Variants in YIPF3 observed in about 807,000 individuals in gnomAD.
YIPF3 encodes the protein protein YIPF3.
A neutral mutation model predicts 40.3 loss-of-function variants in YIPF3; 18 were observed. That is an observed-to-expected ratio of 0.45 (90% CI 0.31 to 0.66). The LOEUF (loss-of-function observed/expected upper bound fraction) is 0.66, where lower values mean the gene tolerates loss of function less well. Ranked by LOEUF, YIPF3 falls within the 30% of genes least tolerant of loss-of-function variation. The pLI, the probability that YIPF3 is intolerant of heterozygous loss-of-function variation, is 0.07. For missense variants in YIPF3, 406 were observed against 452.2 expected (o/e 0.90, Z 0.93); for synonymous variants, 190 against 179.6 (o/e 1.06, Z -0.46).
At chr6:43,514,912 G>A (rs183103731) in intron 3 of YIPF3, among the ~76,000 whole-genome samples, 6 of 152,230 alleles carry the variant, frequency 3.9e-5, no homozygotes, top group Admixed American at 3.9e-4. Flanking sequence ...TTGAGATGCT[G>A]TTGGTCTCTG....
chr6:43,514,330 A>G (rs1380103436), intron 3 of YIPF3, among the ~76,000 whole-genome samples: 6 of 152,222 alleles, frequency 3.9e-5, no homozygotes, highest in African/African-American at 1.2e-4. Context: ...AGCCCTGGGA[A>G]AAGTCTAGCC....
intron 3 of YIPF3, 147 bp downstream of exon 3, chr6:43,515,448 C>T (rs990826290): frequency 3.9e-6 from 3 of 764,462 alleles, no homozygotes; most frequent in African/African-American, 3.4e-5. Flanking sequence ...GCTATTATTA[C>T]TTGTTTCAGT....
At chr6:43,512,659 T>A in intron 7 of YIPF3, 96 bp from the exon 8 acceptor site, 4 of 1,541,464 alleles carry the variant, frequency 2.6e-6, no homozygotes, top group Non-Finnish European at 3.5e-6. Flanking sequence ...TTTGGGCTCT[T>A]CCCTCCCATT....
chr6:43,515,717 T>C lies in YIPF3; in HGVS notation c.289-16A>G. The C allele has an allele frequency of 6.2e-7, 1 of 1,613,948 alleles. No homozygotes were observed. ...CCTGCCACATCTGAAGTAAGGAAGA[T>C]GGGCATAGGTATTGTGGTACTGTTG... On this transcript the variant is annotated splice_polypyrimidine_tract_variant and intron_variant, in intron 2 of 8. Coordinates refer to ENST00000372422, the MANE Select transcript of YIPF3 (RefSeq NM_015388.4).
At chr6:43,516,213 C>G in intron 1 of YIPF3, 118 bp from the exon 2 acceptor site, 1 of 1,521,900 alleles carries the variant, frequency 6.6e-7, no homozygotes, top group Non-Finnish European at 8.8e-7. Flanking sequence ...CTTGGAATCA[C>G]TACAGATCAT....
At chr6:43,514,991 G>A (rs368679983) in intron 3 of YIPF3, among the ~76,000 whole-genome samples, 4 of 150,872 alleles carry the variant, frequency 2.7e-5, no homozygotes, top group African/African-American at 9.7e-5. Flanking sequence ...CAAGCGCAGA[G>A]TTCTTTTTTT....
Position 43,512,101 on chromosome 6 carries a change from C to G in YIPF3, c.*66G>C, listed in dbSNP as rs1194456902. On this transcript the variant is annotated 3_prime_UTR_variant, in exon 9 of 9. Coordinates refer to ENST00000372422, the MANE Select transcript of YIPF3 (RefSeq NM_015388.4). Reference sequence around the variant, plus strand: ...CTACGAAACATGTCATCAGGACTGTCCTTTAATAGTCTTCCTCCTCTCTGC... The same window carrying G: ...CTACGAAACATGTCATCAGGACTGTGCTTTAATAGTCTTCCTCCTCTCTGC... 6.2e-7 allele frequency: 1 copy of G among 1,606,134 alleles called. No homozygotes were observed. Among genetic ancestry groups the G allele is most frequent in the Non-Finnish European group, 8.5e-7 (1 of 1,175,966 alleles).
intron 1 of YIPF3, 140 bp from the exon 2 acceptor site, chr6:43,516,235 C>A: frequency 6.8e-7 from 1 of 1,474,456 alleles, no homozygotes; most frequent in Non-Finnish European, 9.0e-7. Flanking sequence ...CCACTCCATT[C>A]CCCCTCATAT....
intron 1 of YIPF3, 90 bp from the exon 2 acceptor site, chr6:43,516,185 C>T (rs778015630): frequency 2.6e-6 from 4 of 1,565,250 alleles, no homozygotes; most frequent in East Asian, 2.3e-5. Flanking sequence ...CTTTGTTCTT[C>T]CACTGCTGAG....
intron 3 of YIPF3, chr6:43,515,305 T>A (rs1313542896): frequency 1.9e-6 from 1 of 514,858 alleles, no homozygotes; most frequent in Admixed American, 2.3e-5. Context: ...AAGCACAGAG[T>A]TCTATAGGAA....
rs1321232271 is a variant in YIPF3 at position 43,515,971 on chromosome 6, G to C, written c.206C>G (p.Ala69Gly). Reference protein sequence around the residue: ...EEEVDADAADAAAAEEEDGEF... With the variant: ...EEEVDADAADGAAAEEEDGEF... ...TCCATCCTCCTCTTCAGCAGCAGCT[G>C]CATCAGCTGCATCAGCGTCTACTTC... Residue 69 changes from alanine (A) to glycine (G), a missense_variant, in exon 2 of 9, where the codon GCA becomes GGA. Physicochemically the swap from Ala to Gly is moderately conservative, Grantham distance 60 (BLOSUM62 0). Transcript: ENST00000372422. 1.9e-6 allele frequency: 3 copies of C among 1,613,846 alleles called. No individual in the cohort carries two copies. Among genetic ancestry groups the C allele is most frequent in the Non-Finnish European group, 1.7e-6 (2 of 1,179,822 alleles).
intron 3 of YIPF3, chr6:43,515,394 A>G: frequency 3.0e-6 from 2 of 674,252 alleles, no homozygotes; most frequent in Non-Finnish European, 5.4e-6. Context: ...GTTTTGAGGG[A>G]AGATGAGTAG....
At chr6:43,512,937 G>A (rs890395711) in intron 6 of YIPF3, 63 bp from the exon 7 acceptor site, 4 of 1,593,708 alleles carry the variant, frequency 2.5e-6, no homozygotes, top group Non-Finnish European at 3.4e-6. Flanking sequence ...GCCCCTCATG[G>A]GGACCCTGGG....
In YIPF3 at chr6:43,516,495, C is replaced by G. The variant is rs1792837238; in HGVS notation, c.81+232G>C. On this transcript the variant is annotated intron_variant, in intron 1 of 8. Transcript: ENST00000372422. ...AACCTCCTAACTTGTTCCAAGAATA[C>G]CTTCTTCCTAATGCCTCGGGCGGGC... 4.7e-6 allele frequency: 3 copies of G among 634,788 alleles called. No homozygotes were observed. The African/African-American group carries it at 5.5e-5, about 12-fold the overall frequency. The allele number at this position is 634,788 out of a possible 1,614,324, so 39.3% of individuals were successfully genotyped here. A position where few individuals can be genotyped will look rare whatever the true frequency, so the allele number is the denominator to read the frequency against.
At position 43,512,653 on chromosome 6, in the gene YIPF3, G is replaced by T. The variant is rs1217714205; in HGVS notation, c.781-90C>A. The T allele has an allele frequency of 2.7e-5, 42 of 1,541,492 alleles. No individual in the cohort carries two copies. The East Asian group carries it at 9.3e-4, about 34-fold the overall frequency. On this transcript the variant is annotated intron_variant, in intron 7 of 8. Coordinates refer to ENST00000372422, the MANE Select transcript of YIPF3 (RefSeq NM_015388.4). Reference sequence around the variant, plus strand: ...CCCACCCAGGGCAGAACCATCTTTGGGCTCTTCCCTCCCATTTAGGGCTCT... The same window carrying T: ...CCCACCCAGGGCAGAACCATCTTTGTGCTCTTCCCTCCCATTTAGGGCTCT...
intron 3 of YIPF3, chr6:43,513,969 C>T (rs1582173057): frequency 9.6e-6 from 2 of 207,404 alleles, no homozygotes; most frequent in Non-Finnish European, 1.9e-5. Context: ...AGGCTGGGCG[C>T]GGTGGCTCAC....
Position 43,513,069 on chromosome 6 carries a change from C to G in YIPF3, c.666G>C (p.Leu222=). The G allele has an allele frequency of 6.2e-7, 1 of 1,613,964 alleles. No homozygotes were observed. The highest frequency in any genetic ancestry group is 8.5e-7 in the Non-Finnish European group (1 of 1,179,992). The change falls in exon 6 of 9, where the codon CTG becomes CTC. Residue 222 remains leucine, a splice_region_variant and synonymous_variant. Coordinates refer to ENST00000372422, the MANE Select transcript of YIPF3 (RefSeq NM_015388.4). The part of the protein sequence containing the change: ...QITMLQMLAL[L]GYGLFGHCIV... ...TTGCCCACCACACCTGGCTCCTTAC[C>G]AGCAGTGCCAACATCTGCAGCATGG...
At position 43,512,077 on chromosome 6, in the gene YIPF3, T is replaced by G. The variant is rs1792679645; in HGVS notation, c.*90A>C. 2 of 1,566,370 alleles carry G rather than the reference T, an allele frequency of 1.3e-6. No homozygotes were observed. The highest frequency in any genetic ancestry group is 1.7e-6 in the Non-Finnish European group (2 of 1,153,084). On this transcript the variant is annotated 3_prime_UTR_variant, in exon 9 of 9. Transcript: ENST00000372422. ...CTCAGTGGCAGCTGCAAACCCCATC[T>G]ACGAAACATGTCATCAGGACTGTCC...
intron 3 of YIPF3, 115 bp downstream of exon 3, chr6:43,515,480 T>C: frequency 3.2e-6 from 3 of 947,930 alleles, no homozygotes; most frequent in Non-Finnish European, 1.7e-6. Flanking sequence ...TGATGAGAGG[T>C]GATGGGGTCA....
Sources: gnomAD v4.1 joint callset for allele counts (sites outside exome capture counted in the v4.1 genomes callset) on GRCh38, gnomAD v4.1.1 for gene constraint, MANE v1.5 for transcripts, NCBI Gene and HGNC (gene_info 2026-07-23, HGNC 2026-07-21) for gene names.